The following KSR1 variants were observed in gnomAD, a reference collection of about 807,000 sequenced individuals.
The protein encoded by KSR1 is kinase suppressor of ras.
KSR1 carries 35 observed loss-of-function variants against 92.9 expected under a neutral mutation model. The ratio of observed to expected loss-of-function variants is 0.38; its 90% CI spans 0.29 to 0.50. The LOEUF is 0.50. KSR1 is among the 20% of genes least tolerant of loss of function. The pLI is 0.94. For synonymous variants in KSR1, 467 were observed against 472.6 expected, an observed-to-expected ratio of 0.99 and a Z score of 0.15; for missense variants, 972 against 1,158.5, an observed-to-expected ratio of 0.84 and a Z score of 2.34.
chr17:27,614,257 G>T (rs1362437189), intron 18 of KSR1, among the ~76,000 whole-genome samples: 1 of 152,136 alleles, frequency 6.6e-6, no homozygotes, highest in African/African-American at 2.4e-5. Flanking sequence ...TCCTGTGGCC[G>T]CACCATAATG....
At chr17:27,522,356 C>T (rs985551442) in intron 1 of KSR1, among the ~76,000 whole-genome samples, 3 of 152,236 alleles carry the variant, frequency 2.0e-5, no homozygotes, top group South Asian at 2.1e-4. Context: ...CTTTGGCCCC[C>T]GCTCCCCGTG....
intron 1 of KSR1, among the ~76,000 whole-genome samples, chr17:27,484,493 A>T (rs1471820565): frequency 6.6e-6 from 1 of 152,198 alleles, no homozygotes; most frequent in African/African-American, 2.4e-5. Context: ...CGTGCTGGGC[A>T]TTACAGGCGT....
intron 9 of KSR1, among the ~76,000 whole-genome samples, chr17:27,595,093 A>G (rs561445941): frequency 6.6e-6 from 1 of 152,264 alleles, no homozygotes; most frequent in Admixed American, 6.5e-5. Context: ...GTCACTGTGT[A>G]CCCCAGAGCC....
rs547675116 is a variant in KSR1, at chr17:27,560,459, A to T, written c.372+9751A>T. 1.6e-4 allele frequency: 85 copies of T among 519,008 alleles called. No homozygotes were observed. In the East Asian group the frequency reaches 2.8e-3, roughly 17 times the overall value. 32.2% of individuals were successfully genotyped at this position (519,008 alleles called of 1,614,324 possible). ...AACTGAAGATGCAGGCGGATCTGGT[A>T]AGGGGATTTTTGTTGTGATCCTGAC... On this transcript the variant is annotated intron_variant, in intron 2 of 20. Transcript: ENST00000644974.
At chr17:27,598,464 C>T (rs1047587925) in intron 10 of KSR1, among the ~76,000 whole-genome samples, 6 of 152,146 alleles carry the variant, frequency 3.9e-5, no homozygotes, top group Non-Finnish European at 8.8e-5. Flanking sequence ...ACGGTGGAGA[C>T]GGAGATCTTG....
chr17:27,621,827 C>T (rs1402300032), intron 20 of KSR1: 3 of 1,154,930 alleles, frequency 2.6e-6, no homozygotes. Context: ...AAAGGGAGTC[C>T]CCTGCCCAGC....
At position 27,526,024 on chromosome 17, in the gene KSR1, TTTCTTTTCTTTTCTTTTCTTTC is replaced by T. The variant is rs753064792; in HGVS notation, c.232-24542_232-24521del. Among the ~76,000 whole-genome samples, 925 of 100,768 alleles carry T rather than the reference TTTCTTTTCTTTTCTTTTCTTTC, an allele frequency of 9.2e-3. 4 individuals are homozygous for T. Among genetic ancestry groups the T allele is most frequent in the Non-Finnish European group, 0.011 (633 of 55,236 alleles). 66.1% of individuals were successfully genotyped at this position (100,768 alleles called of 152,430 possible). On this transcript the variant is annotated intron_variant, in intron 1 of 20. Transcript: ENST00000644974. ...TTTCTTTTCTTTTCTTTTCTTTTCT[TTTCTTTTCTTTTCTTTTCTTTC>T]TCTCTCTCTCTCTCTCTTTCTTTCT...
intron 1 of KSR1, among the ~76,000 whole-genome samples, chr17:27,545,214 A>ACTTTTTTT (rs2071121619): frequency 6.6e-6 from 1 of 152,214 alleles, no homozygotes; most frequent in Admixed American, 6.5e-5. Context: ...GGCCTTTAAA[A>ACTTTTTTT]AAAGAAACCG....
Position 27,582,905 on chromosome 17 carries a change from G to A in KSR1, c.780G>A (p.Leu260=), listed in dbSNP as rs1322167757. Residue 260 remains leucine (L), a synonymous_variant, in exon 4 of 21, where the codon CTG becomes CTA. Coordinates refer to ENST00000644974, the MANE Select transcript of KSR1 (RefSeq NM_001394583.1). ...TTCCCCTGCACGCCAGCGGCCGGCT[G>A]ACCCCCCGTGCCCTGCACAGCTTCA... ...TCIPLHASGR[L]TPRALHSFIT... 1.9e-6 allele frequency: 3 copies of A among 1,611,916 alleles called. No homozygotes were observed. The highest frequency in any genetic ancestry group is 1.7e-6 in the Non-Finnish European group (2 of 1,179,266).
At chr17:27,520,497 A>C (rs1378930074) in intron 1 of KSR1, among the ~76,000 whole-genome samples, 1 of 152,242 alleles carries the variant, frequency 6.6e-6, no homozygotes, top group African/African-American at 2.4e-5. Context: ...CTTGGTGCGC[A>C]TAATAAGTGT....
chr17:27,552,744 G>A (rs761354818), intron 2 of KSR1, among the ~76,000 whole-genome samples: 1 of 152,214 alleles, frequency 6.6e-6, no homozygotes, highest in Non-Finnish European at 1.5e-5. Flanking sequence ...CCAGGAGCCT[G>A]AGCAGCCCTT....
chr17:27,471,716 G>A (rs577230100), intron 1 of KSR1, among the ~76,000 whole-genome samples: 1 of 152,272 alleles, frequency 6.6e-6, no homozygotes, highest in East Asian at 1.9e-4. Context: ...GCCGGGTTTC[G>A]TGCCAGGCAC....
At chr17:27,567,351 G>A (rs1177671233) in intron 2 of KSR1, among the ~76,000 whole-genome samples, 1 of 152,138 alleles carries the variant, frequency 6.6e-6, no homozygotes, top group Non-Finnish European at 1.5e-5. Flanking sequence ...AGCAATTTGG[G>A]AGGCCGAGGC....
At chr17:27,600,582 A>G (rs1316202490) in intron 10 of KSR1, among the ~76,000 whole-genome samples, 1 of 152,202 alleles carries the variant, frequency 6.6e-6, no homozygotes, top group Non-Finnish European at 1.5e-5. Context: ...ATCCTTTTAT[A>G]CAGCTTGTAG....
chr17:27,504,872 T>C (rs1422931517), intron 1 of KSR1, among the ~76,000 whole-genome samples: 1 of 152,184 alleles, frequency 6.6e-6, no homozygotes, highest in East Asian at 1.9e-4. Flanking sequence ...GCCAGAGCTG[T>C]TCCCAGCAGC....
intron 2 of KSR1, among the ~76,000 whole-genome samples, chr17:27,555,585 G>A (rs962496531): frequency 1.3e-5 from 2 of 151,938 alleles, no homozygotes; most frequent in African/African-American, 4.8e-5. Context: ...ACTACAGTAT[G>A]CTTCAGCCCC....
chr17:27,605,945 G>T (rs1232233301), intron 14 of KSR1, 132 bp downstream of exon 14: 2 of 1,099,882 alleles, frequency 1.8e-6, no homozygotes, highest in African/African-American at 3.2e-5. Flanking sequence ...CCAAAAATGG[G>T]GTATAACTTC....
intron 14 of KSR1, 86 bp downstream of exon 14, chr17:27,605,899 G>A: frequency 6.5e-7 from 1 of 1,529,086 alleles, no homozygotes; most frequent in Non-Finnish European, 8.8e-7. Flanking sequence ...TGCCCTAGAG[G>A]GTGTGGAAGT....
At chr17:27,582,145 C>T (rs1434654545) in intron 3 of KSR1, among the ~76,000 whole-genome samples, 1 of 152,108 alleles carries the variant, frequency 6.6e-6, no homozygotes, top group Non-Finnish European at 1.5e-5. Context: ...CCATAAGAGC[C>T]CTGCACGAGC....
Sources: allele counts gnomAD v4.1 joint callset (sites outside exome capture counted in the v4.1 genomes callset), GRCh38; gene constraint gnomAD v4.1.1; transcripts MANE v1.5; gene names NCBI Gene and HGNC (gene_info 2026-07-23, HGNC 2026-07-21).